FAM149B1: variants seen among roughly 807,000 people sequenced by gnomAD.
FAM149B1 encodes the protein primary cilium assembly protein FAM149B1.
In FAM149B1, 56 loss-of-function variants were observed where a neutral mutation model predicts 75.3. The ratio of observed to expected loss-of-function variants is 0.74; its 90% CI spans 0.60 to 0.93. The LOEUF is 0.93. Ranked by LOEUF, FAM149B1 falls within the 40% of genes least tolerant of loss-of-function variation. The pLI is 0.00. For synonymous variants in FAM149B1, 259 were observed against 256.1 expected (o/e 1.01, Z -0.11); for missense variants, 639 against 708.4 (o/e 0.90, Z 1.11).
At position 73,188,744 on chromosome 10, in the gene FAM149B1, A is replaced by G. The variant is rs1173691585; in HGVS notation, c.283-3812A>G. Among the ~76,000 whole-genome samples the G allele has an allele frequency of 6.2e-5, 8 of 128,682 alleles. No homozygotes were observed. The South Asian group carries it at 2.0e-3, about 32-fold the overall frequency. 84.4% of individuals were successfully genotyped at this position (128,682 alleles called of 152,430 possible). A position where few individuals can be genotyped will look rare whatever the true frequency, so the allele number is the denominator to read the frequency against. On this transcript the variant is annotated intron_variant, in intron 3 of 13. Transcript: ENST00000242505. Reference sequence around the variant, plus strand: ...TGTCTCAGAAAAAAGAAAAAAAAAAAGGAAGGAAGGAGGGAAGGAAGGAAG... The same window carrying G: ...TGTCTCAGAAAAAAGAAAAAAAAAAGGGAAGGAAGGAGGGAAGGAAGGAAG...
rs921143462 is a variant in FAM149B1 at position 73,242,052 on chromosome 10, C to A, written c.*1033C>A. ...TATTAATTTTCAGAATGGATAAATT[C>A]AAATAATCATAAATTACGGTAACTT... On this transcript the variant is annotated 3_prime_UTR_variant, in exon 14 of 14. Transcript: ENST00000242505. The A allele has an allele frequency of 2.6e-5, 4 of 152,144 alleles. No homozygotes were observed. The highest frequency in any genetic ancestry group is 9.7e-5 in the African/African-American group (4 of 41,426). The allele number at this position is 152,144 out of a possible 1,614,324, so 9.4% of individuals were successfully genotyped here. A position where few individuals can be genotyped will look rare whatever the true frequency, so the allele number is the denominator to read the frequency against.
intron 7 of FAM149B1, among the ~76,000 whole-genome samples, chr10:73,218,526 G>A (rs976030252): frequency 1.3e-5 from 2 of 152,094 alleles, no homozygotes; most frequent in African/African-American, 4.8e-5. Flanking sequence ...AGCCATATCT[G>A]TATCTTTTCA....
chr10:73,207,820 A>G (rs1281747719), intron 5 of FAM149B1, among the ~76,000 whole-genome samples: 1 of 151,874 alleles, frequency 6.6e-6, no homozygotes, highest in Admixed American at 6.6e-5. Flanking sequence ...TAACGCCTAT[A>G]CTCCCATTGT....
intron 3 of FAM149B1, among the ~76,000 whole-genome samples, chr10:73,182,370 A>G (rs768727827): frequency 2.6e-5 from 4 of 152,082 alleles, no homozygotes; most frequent in African/African-American, 9.7e-5. Flanking sequence ...TTGCACCACC[A>G]TGCCTGGCTA....
At chr10:73,230,588 A>C in intron 9 of FAM149B1, 63 bp downstream of exon 9, 12 of 941,678 alleles carry the variant, frequency 1.3e-5, no homozygotes, top group Non-Finnish European at 8.4e-6. Flanking sequence ...AAGCAAAATC[A>C]GTTTATCAGT....
chr10:73,191,585 C>G (rs1233527998), intron 3 of FAM149B1, among the ~76,000 whole-genome samples: 3 of 152,014 alleles, frequency 2.0e-5, no homozygotes, highest in Non-Finnish European at 4.4e-5. Context: ...TGATCCACCC[C>G]ACCTTGGCCT....
chr10:73,226,049 TTAAG>T (rs2043535226), intron 7 of FAM149B1, among the ~76,000 whole-genome samples: 1 of 152,094 alleles, frequency 6.6e-6, no homozygotes, highest in Non-Finnish European at 1.5e-5. Flanking sequence ...ATCCCTGTTG[TTAAG>T]TAACATGAGT....
intron 3 of FAM149B1, among the ~76,000 whole-genome samples, chr10:73,179,661 T>C (rs2042350771): frequency 6.6e-6 from 1 of 151,958 alleles, no homozygotes; most frequent in African/African-American, 2.4e-5. Flanking sequence ...TGTGCTGAGG[T>C]TATAGGCATG....
chr10:73,192,679 G>A lies in FAM149B1; in HGVS notation c.406G>A (p.Ala136Thr), dbSNP rs2042713372. The A allele has an allele frequency of 6.5e-7, 1 of 1,546,974 alleles. No individual in the cohort carries two copies. The highest frequency in any genetic ancestry group is 8.7e-7 in the Non-Finnish European group (1 of 1,145,980). The change falls in exon 4 of 14, where the codon GCT (alanine) becomes ACT (threonine). Residue 136 changes from alanine to threonine, a missense_variant. By Grantham distance (58) the Ala-to-Thr change is moderately conservative. Coordinates refer to ENST00000242505, the MANE Select transcript of FAM149B1 (RefSeq NM_173348.2). ...ACAAGAAGAGTGCCAACAGTGGACA[G>A]CTAGCTTTCCTCACCTCAGGTACTG... ...SLQEECQQWT[A>T]SFPHLRILGR...
chr10:73,201,951 G>A (rs1439233114), intron 5 of FAM149B1, among the ~76,000 whole-genome samples: 1 of 151,746 alleles, frequency 6.6e-6, no homozygotes, highest in Admixed American at 6.6e-5. Context: ...GATAACCTGA[G>A]GTCAGGAGTT....
chr10:73,234,586 C>G, intron 10 of FAM149B1: 1 of 476,178 alleles, frequency 2.1e-6, no homozygotes. Flanking sequence ...GAGAAAAGGC[C>G]AGCTTCTGTT....
rs562279953 is a variant in FAM149B1, at chr10:73,235,058, C to T, written c.1476+118C>T. On this transcript the variant is annotated intron_variant, in intron 11 of 13. Transcript: ENST00000242505. ...CTGTGTTTTGTCAAAAGTACAAACA[C>T]AGTGCTAATTTATGACGTGGAATTG... 1.1e-4 allele frequency: 155 copies of T among 1,459,794 alleles called. 1 individual carries two copies. The South Asian group carries it at 2.0e-3, about 19-fold the overall frequency. 90.4% of individuals were successfully genotyped at this position (1,459,794 alleles called of 1,614,324 possible).
At chr10:73,176,141 G>A (rs980183856) in intron 2 of FAM149B1, among the ~76,000 whole-genome samples, 3 of 152,068 alleles carry the variant, frequency 2.0e-5, no homozygotes, top group Non-Finnish European at 4.4e-5. Context: ...GGGAGACAGT[G>A]ACAGATGATC....
intron 5 of FAM149B1, among the ~76,000 whole-genome samples, chr10:73,196,753 C>A (rs1383592896): frequency 6.6e-6 from 1 of 152,038 alleles, no homozygotes; most frequent in Non-Finnish European, 1.5e-5. Context: ...ATCAGCTGGC[C>A]CCTGCCTACT....
rs192880801 is a variant in FAM149B1 at position 73,170,107 on chromosome 10, T to C, written c.47+1721T>C. Among the ~76,000 whole-genome samples, 353 of 152,294 alleles carry C rather than the reference T, an allele frequency of 2.3e-3. 2 individuals are homozygous for C. The highest frequency in any genetic ancestry group is 7.9e-3 in the African/African-American group (328 of 41,556). ...GCAAGCATGCTATTTTGAATCATTCTTGGGTTTCTGGCTAGGCTGTCTTCT... is the reference window on the plus strand; with the variant it reads ...GCAAGCATGCTATTTTGAATCATTCCTGGGTTTCTGGCTAGGCTGTCTTCT... On this transcript the variant is annotated intron_variant, in intron 1 of 13. Coordinates refer to ENST00000242505, the MANE Select transcript of FAM149B1 (RefSeq NM_173348.2).
At chr10:73,237,228 C>A (rs2043841604) in intron 12 of FAM149B1, among the ~76,000 whole-genome samples, 1 of 152,160 alleles carries the variant, frequency 6.6e-6, no homozygotes, top group Admixed American at 6.5e-5. Flanking sequence ...TTCTAGTAGA[C>A]CCCACGAGGC....
At chr10:73,239,262 C>T (rs1198492332) in intron 12 of FAM149B1, 50 bp from the exon 13 acceptor site, 4 of 1,447,250 alleles carry the variant, frequency 2.8e-6, no homozygotes, top group Non-Finnish European at 3.8e-6. Flanking sequence ...AAAATATTAT[C>T]CTTTGTGAGA....
rs1844044951 is a variant in FAM149B1, at chr10:73,177,922, A to ATCC, written c.229_230insTCC (p.Thr77delinsIlePro). The ATCC allele has an allele frequency of 5.8e-6, 9 of 1,551,558 alleles. No homozygotes were observed. Among genetic ancestry groups the ATCC allele is most frequent in the Non-Finnish European group, 7.0e-6 (8 of 1,146,946 alleles). ...TTCACTGTCTGCTTTTCCAAGTTAT[A>ATCC]CAGGCGCAGGGATATCTACTGAAGG... On this transcript the variant is annotated protein_altering_variant, in exon 3 of 14. Coordinates refer to ENST00000242505, the MANE Select transcript of FAM149B1 (RefSeq NM_173348.2).
chr10:73,225,586 T>C (rs1281414292), intron 7 of FAM149B1, among the ~76,000 whole-genome samples: 1 of 152,160 alleles, frequency 6.6e-6, no homozygotes, highest in Admixed American at 6.5e-5. Flanking sequence ...ATTTATAAAG[T>C]CAAAAAGTAT....
Sources: allele counts gnomAD v4.1 joint callset (sites outside exome capture counted in the v4.1 genomes callset), GRCh38; gene constraint gnomAD v4.1.1; transcripts MANE v1.5; gene names NCBI Gene and HGNC (gene_info 2026-07-23, HGNC 2026-07-21).